SNX29: variants seen among roughly 807,000 people sequenced by gnomAD.
The protein encoded by SNX29 is sorting nexin-29.
SNX29 carries 78 observed loss-of-function variants against 102.1 expected under a neutral mutation model. That is an observed-to-expected ratio of 0.76 (90% confidence interval 0.64 to 0.92). SNX29 has a LOEUF of 0.92. SNX29 is among the 40% of genes least tolerant of loss of function. SNX29 has a pLI of 0.00. For missense variants in SNX29, 1,280 were observed against 1,061.7 expected (o/e 1.21, Z -2.86); for synonymous variants, 580 against 414.5 (o/e 1.40, Z -4.85).
intron 15 of SNX29, among the ~76,000 whole-genome samples, chr16:12,298,931 A>G (rs2080069620): frequency 6.7e-6 from 1 of 150,098 alleles, no homozygotes; most frequent in Non-Finnish European, 1.5e-5. Flanking sequence ...TGATTCTTTT[A>G]TTTATCCATT....
At chr16:12,392,925 G>A (rs964984958) in intron 16 of SNX29, among the ~76,000 whole-genome samples, 1 of 152,242 alleles carries the variant, frequency 6.6e-6, no homozygotes, top group Admixed American at 6.5e-5. Context: ...TCAGGCCTGA[G>A]CCTGTTGCTT....
At chr16:12,316,899 A>G (rs550536548) in intron 15 of SNX29, among the ~76,000 whole-genome samples, 1 of 152,304 alleles carries the variant, frequency 6.6e-6, no homozygotes, top group African/African-American at 2.4e-5. Context: ...TTGAGTAGAG[A>G]GACAGGTTTT....
chr16:12,212,355 G>A (rs552736972), intron 14 of SNX29, among the ~76,000 whole-genome samples: 23 of 152,274 alleles, frequency 1.5e-4, no homozygotes, highest in Middle Eastern at 3.4e-3. Context: ...TCAGGAGCAG[G>A]GCTGTGTGTA....
rs79750562 is a variant in SNX29 at position 12,565,017 on chromosome 16, C to A, written c.2319-3489C>A. Among the ~76,000 whole-genome samples the A allele has an allele frequency of 7.2e-3, 1,089 of 152,162 alleles. 18 individuals are homozygous for A. The highest frequency in any genetic ancestry group is 0.025 in the African/African-American group (1,038 of 41,504). On this transcript the variant is annotated intron_variant, in intron 20 of 20. Transcript: ENST00000566228. ...CAGCCCATGTCTCTACTGTTGGACGCCAGTCCTGGGATGAGCCTGGCACTG... is the reference window on the plus strand; with the variant it reads ...CAGCCCATGTCTCTACTGTTGGACGACAGTCCTGGGATGAGCCTGGCACTG...
intron 11 of SNX29, chr16:12,087,913 C>T: frequency 2.2e-6 from 1 of 456,794 alleles, no homozygotes; most frequent in South Asian, 1.5e-5. Context: ...GCTGGTGGAG[C>T]TGCTGCCGCC....
intron 16 of SNX29, among the ~76,000 whole-genome samples, chr16:12,362,549 G>GCCCCCCCCCCCC (rs1555519655): frequency 1.7e-5 from 1 of 59,596 alleles, no homozygotes; most frequent in African/African-American, 7.2e-5. Context: ...TTTGGCTGCT[G>GCCCCCCCCCCCC]CACTCCCCCC....
At chr16:12,107,338 GTT>G (rs34594204) in intron 11 of SNX29, among the ~76,000 whole-genome samples, 9 of 137,260 alleles carry the variant, frequency 6.6e-5, no homozygotes, top group South Asian at 4.7e-4. Flanking sequence ...AGCACTGTGG[GTT>G]TTTTTTTTTT....
intron 13 of SNX29, among the ~76,000 whole-genome samples, chr16:12,192,476 T>C (rs1567296393): frequency 6.6e-6 from 1 of 152,182 alleles, no homozygotes; most frequent in Non-Finnish European, 1.5e-5. Flanking sequence ...TTTTTCCACA[T>C]AGCAAGTCTG....
chr16:11,999,281 C>T lies in SNX29; in HGVS notation c.8-16C>T. The T allele has an allele frequency of 1.2e-6, 2 of 1,613,646 alleles. No homozygotes were observed. Among genetic ancestry groups the T allele is most frequent in the Non-Finnish European group, 1.7e-6 (2 of 1,179,716 alleles). Reference sequence around the variant, plus strand: ...CGAGCGTCAGAGAGAACTAATTAAGCCTCATTGCATTTTAGGATCACAGAA... The same window carrying T: ...CGAGCGTCAGAGAGAACTAATTAAGTCTCATTGCATTTTAGGATCACAGAA... On this transcript the variant is annotated splice_polypyrimidine_tract_variant and intron_variant, in intron 1 of 20. Transcript: ENST00000566228.
At chr16:12,347,995 C>A (rs1039257658) in intron 15 of SNX29, among the ~76,000 whole-genome samples, 2 of 151,778 alleles carry the variant, frequency 1.3e-5, no homozygotes, top group Non-Finnish European at 2.9e-5. Flanking sequence ...AGGAGGATTG[C>A]TTGAACCCAG....
intron 4 of SNX29, chr16:12,029,783 A>AG: frequency 2.9e-6 from 1 of 349,926 alleles, no homozygotes. Flanking sequence ...GTAGAGATGG[A>AG]GTTTCACCAT....
chr16:12,124,841 A>G (rs987328742), intron 11 of SNX29, among the ~76,000 whole-genome samples: 2 of 152,148 alleles, frequency 1.3e-5, no homozygotes, highest in Admixed American at 6.5e-5. Flanking sequence ...CAAGGAACCA[A>G]TGTTGAGATG....
At chr16:12,551,027 T>C (rs1220053784) in intron 20 of SNX29, among the ~76,000 whole-genome samples, 1 of 152,180 alleles carries the variant, frequency 6.6e-6, no homozygotes, top group African/African-American at 2.4e-5. Flanking sequence ...GTGATGGGCT[T>C]CTAAACAAGG....
At chr16:12,529,348 AC>A (rs2076871092) in intron 20 of SNX29, among the ~76,000 whole-genome samples, 1 of 152,148 alleles carries the variant, frequency 6.6e-6, no homozygotes, top group Non-Finnish European at 1.5e-5. Context: ...AGGGGTGGTT[AC>A]TAAGAGACGT....
chr16:12,482,968 C>T (rs2088018196), intron 19 of SNX29, among the ~76,000 whole-genome samples: 1 of 152,162 alleles, frequency 6.6e-6, no homozygotes, highest in South Asian at 2.1e-4. Flanking sequence ...ACCCAGAGCT[C>T]TCCCTGGAGG....
intron 1 of SNX29, among the ~76,000 whole-genome samples, chr16:11,993,580 G>A (rs973497640): frequency 1.4e-4 from 22 of 152,046 alleles, no homozygotes; most frequent in Admixed American, 3.9e-4. Flanking sequence ...TCATTTTATC[G>A]TCCGAAGAGG....
intron 20 of SNX29, among the ~76,000 whole-genome samples, chr16:12,556,995 ACAC>A (rs1203722699): frequency 1.4e-5 from 2 of 140,516 alleles, no homozygotes; most frequent in Admixed American, 7.4e-5. Flanking sequence ...CAACAGGTAC[ACAC>A]CACATCTGGC....
chr16:12,568,442 C>G (rs568161142), intron 20 of SNX29, 64 bp from the exon 21 acceptor site: 36 of 1,591,908 alleles, frequency 2.3e-5, no homozygotes, highest in Non-Finnish European at 3.1e-5. Context: ...GGCTCCCCTT[C>G]CTGGCCTGTG....
At chr16:12,113,758 G>A (rs1363637132) in intron 11 of SNX29, among the ~76,000 whole-genome samples, 2 of 152,218 alleles carry the variant, frequency 1.3e-5, no homozygotes, top group African/African-American at 2.4e-5. Flanking sequence ...TAGACGGGTC[G>A]GGGTCATATC....
Sources: allele counts gnomAD v4.1 joint callset (sites outside exome capture counted in the v4.1 genomes callset), GRCh38; gene constraint gnomAD v4.1.1; transcripts MANE v1.5; gene names NCBI Gene and HGNC (gene_info 2026-07-23, HGNC 2026-07-21).